The following AKR1B1 variants were observed in gnomAD, a reference collection of about 807,000 sequenced individuals.
AKR1B1 encodes aldo-keto reductase family 1 member B1.
In AKR1B1, 22 loss-of-function variants were observed where a neutral mutation model predicts 40.4. That is an observed-to-expected ratio of 0.54 (90% confidence interval 0.39 to 0.78). AKR1B1 has a LOEUF of 0.78. Ranked by LOEUF, AKR1B1 falls within the 30% of genes least tolerant of loss-of-function variation. The pLI is 0.00. For synonymous variants in AKR1B1, 157 were observed against 149.9 expected (o/e 1.05, Z -0.35); for missense variants, 357 against 396.7 (o/e 0.90, Z 0.85).
At chr7:134,444,218 G>A (rs974703381) in intron 9 of AKR1B1, among the ~76,000 whole-genome samples, 3 of 152,254 alleles carry the variant, frequency 2.0e-5, no homozygotes, top group Non-Finnish European at 2.9e-5. Flanking sequence ...TAACAGAGAT[G>A]TCTGAAAGGG....
At chr7:134,456,971 C>T (rs112893317) in intron 1 of AKR1B1, among the ~76,000 whole-genome samples, 37 of 152,164 alleles carry the variant, frequency 2.4e-4, no homozygotes, top group African/African-American at 8.7e-4. Context: ...CCTGTCTCTA[C>T]AAAAAATTAA....
At chr7:134,447,863 C>T in intron 7 of AKR1B1, 117 bp downstream of exon 7, 1 of 917,280 alleles carries the variant, frequency 1.1e-6, no homozygotes, top group Non-Finnish European at 1.8e-6. Context: ...CTTGAGGACC[C>T]CTAACCATAC....
At chr7:134,456,414 C>T (rs1392934310) in intron 1 of AKR1B1, among the ~76,000 whole-genome samples, 6 of 151,716 alleles carry the variant, frequency 4.0e-5, no homozygotes, top group African/African-American at 9.7e-5. Flanking sequence ...TTAGCCAGGA[C>T]GGTCTCTATC....
At chr7:134,451,861 G>T in intron 1 of AKR1B1, 108 bp from the exon 2 acceptor site, 1 of 1,258,712 alleles carries the variant, frequency 7.9e-7, no homozygotes, top group Non-Finnish European at 1.1e-6. Context: ...ACTTTGTTCA[G>T]CAAAGACAGA....
intron 1 of AKR1B1, 144 bp downstream of exon 1, chr7:134,458,853 G>C: frequency 1.1e-6 from 1 of 931,828 alleles, no homozygotes; most frequent in Non-Finnish European, 1.6e-6. Context: ...AGCCCGCTGG[G>C]GACCCTGCAA....
chr7:134,451,542 T>C (rs757643372), intron 2 of AKR1B1, 44 bp downstream of exon 2: 6 of 1,610,586 alleles, frequency 3.7e-6, no homozygotes, highest in Non-Finnish European at 3.4e-6. Context: ...CACCAACAGA[T>C]GATGGGACCG....
At chr7:134,455,744 G>A (rs531963725) in intron 1 of AKR1B1, among the ~76,000 whole-genome samples, 12 of 147,298 alleles carry the variant, frequency 8.1e-5, no homozygotes, top group South Asian at 6.3e-4. Flanking sequence ...CCACCATGCC[G>A]GGCTAATTTT....
chr7:134,451,572 C>G lies in AKR1B1; in HGVS notation c.234+14G>C. On this transcript the variant is annotated intron_variant, in intron 2 of 9. Coordinates refer to ENST00000285930, the MANE Select transcript of AKR1B1 (RefSeq NM_001628.4). ...GGACCGAGAGCCCCTTCCAGCCCCA[C>G]CGCGGAACGATACCTTGCTGACGAT... The G allele has an allele frequency of 6.2e-7, 1 of 1,613,344 alleles. No homozygotes were observed. The highest frequency in any genetic ancestry group is 8.5e-7 in the Non-Finnish European group (1 of 1,180,012).
intron 1 of AKR1B1, among the ~76,000 whole-genome samples, chr7:134,457,068 G>T (rs555529454): frequency 6.6e-6 from 1 of 151,788 alleles, no homozygotes; most frequent in African/African-American, 2.4e-5. Context: ...AGCCCAAGAG[G>T]TTAAGGCTAC....
intron 1 of AKR1B1, among the ~76,000 whole-genome samples, chr7:134,452,214 GCT>G (rs1377555548): frequency 6.6e-6 from 1 of 152,110 alleles, no homozygotes; most frequent in Non-Finnish European, 1.5e-5. Flanking sequence ...TGCCCCTTAC[GCT>G]CTCTTTTCAT....
chr7:134,448,577 C>T (rs1308980516), intron 5 of AKR1B1, 84 bp from the exon 6 acceptor site: 2 of 999,648 alleles, frequency 2.0e-6, no homozygotes, highest in Non-Finnish European at 3.2e-6. Context: ...TGCTAAAGTC[C>T]CTCCCTACCC....
intron 8 of AKR1B1, 41 bp from the exon 9 acceptor site, chr7:134,445,361 A>G: frequency 6.5e-7 from 1 of 1,542,168 alleles, no homozygotes; most frequent in Non-Finnish European, 8.9e-7. Flanking sequence ...TCTGCAAATA[A>G]AAATAAAAGA....
Position 134,459,072 on chromosome 7 carries a change from G to A in AKR1B1, c.-10C>T, listed in dbSNP as rs369021162. 2.3e-5 allele frequency: 36 copies of A among 1,599,658 alleles called. No individual in the cohort carries two copies. The African/African-American group carries it at 4.3e-4, about 19-fold the overall frequency. ...GGAGACGGCTTGCCATGGCTGCTGC[G>A]CTCCCCAGACCCCCGCCCAGTACGG... On this transcript the variant is annotated 5_prime_UTR_variant, in exon 1 of 10. Transcript: ENST00000285930.
chr7:134,451,178 T>TC (rs958750488), intron 2 of AKR1B1: 5 of 561,504 alleles, frequency 8.9e-6, no homozygotes, highest in South Asian at 2.0e-5. Context: ...CTCGAAACTT[T>TC]CCCCCCGGGC....
At chr7:134,444,836 C>T (rs1461208461) in intron 9 of AKR1B1, 2 of 324,248 alleles carry the variant, frequency 6.2e-6, no homozygotes, top group South Asian at 2.9e-5. Context: ...CAAACCTCAG[C>T]CCCAGGGGCT....
intron 2 of AKR1B1, 105 bp downstream of exon 2, chr7:134,451,481 A>G (rs529543579): frequency 2.2e-6 from 3 of 1,389,002 alleles, no homozygotes; most frequent in Non-Finnish European, 3.1e-6. Context: ...AGAATCGCCC[A>G]TCAGTGAAAA....
chr7:134,459,087 G>C lies in AKR1B1; in HGVS notation c.-25C>G, dbSNP rs377342540. The C allele has an allele frequency of 4.4e-6, 7 of 1,593,240 alleles. No homozygotes were observed. The highest frequency in any genetic ancestry group is 3.5e-5 in the Admixed American group (2 of 57,382). ...TGGCTGCTGCGCTCCCCAGACCCCC[G>C]CCCAGTACGGTGCGGCCTTGGCCGC... On this transcript the variant is annotated 5_prime_UTR_variant, in exon 1 of 10. Coordinates refer to ENST00000285930, the MANE Select transcript of AKR1B1 (RefSeq NM_001628.4).
At chr7:134,450,728 C>G (rs1482897793) in intron 3 of AKR1B1, 58 bp downstream of exon 3, 18 of 1,354,870 alleles carry the variant, frequency 1.3e-5, no homozygotes, top group Non-Finnish European at 1.9e-5. Context: ...GAGCTCAAAA[C>G]ACACCACAGG....
In AKR1B1 at chr7:134,448,468, T is replaced by C; in HGVS notation, c.578A>G (p.Gln193Arg). ...NQIECHPYLT[Q>R]EKLIQYCQSK... ...CTGGCAGTACTGGATTAACTTCTCC[T>C]GAGTGAGATATGGGTGGCACTCAAT... The change falls in exon 6 of 10, where the codon CAG (glutamine) becomes CGG (arginine). Residue 193 changes from glutamine to arginine, a missense_variant. Coordinates refer to ENST00000285930, the MANE Select transcript of AKR1B1 (RefSeq NM_001628.4). The C allele has an allele frequency of 6.2e-7, 1 of 1,614,076 alleles. No homozygotes were observed. Among genetic ancestry groups the C allele is most frequent in the South Asian group, 1.1e-5 (1 of 91,074 alleles).
Sources: gnomAD v4.1 joint callset for allele counts (sites outside exome capture counted in the v4.1 genomes callset) on GRCh38, gnomAD v4.1.1 for gene constraint, MANE v1.5 for transcripts, NCBI Gene and HGNC (gene_info 2026-07-23, HGNC 2026-07-21) for gene names.